Variants in NKAIN3 observed in about 807,000 individuals in gnomAD.
The protein encoded by NKAIN3 is sodium/potassium-transporting ATPase subunit beta-1-interacting protein 3.
In NKAIN3, 25 loss-of-function variants were observed where a neutral mutation model predicts 30.2. That is an observed-to-expected ratio of 0.83 (90% CI 0.60 to 1.16). NKAIN3 has a LOEUF of 1.16. NKAIN3 is among the 50% of genes most tolerant of loss of function. NKAIN3 has a pLI of 0.00. For missense variants in NKAIN3, 225 were observed against 254.1 expected (o/e 0.89, Z 0.78); for synonymous variants, 91 against 89.6 (o/e 1.02, Z -0.09).
chr8:62,367,719 A>G (rs1050253497), intron 1 of NKAIN3, among the ~76,000 whole-genome samples: 7 of 152,172 alleles, frequency 4.6e-5, no homozygotes, highest in South Asian at 2.1e-4. Context: ...ATTCAGCATA[A>G]TAACTGGAAG....
chr8:62,334,835 A>G lies in NKAIN3; in HGVS notation c.54+85708A>G, dbSNP rs148455300. Among the ~76,000 whole-genome samples, 1,097 of 152,108 alleles carry G rather than the reference A, an allele frequency of 7.2e-3. 24 individuals are homozygous for G. The highest frequency in any genetic ancestry group is 0.025 in the African/African-American group (1,056 of 41,530). ...GTTCATAGCTAGAAGGCTGGGCTTG[A>G]CTTAATCTCTCTCATTCTCCCTGTG... On this transcript the variant is annotated intron_variant, in intron 1 of 6. Transcript: ENST00000623646.
At chr8:62,605,474 T>C (rs1463599652) in intron 3 of NKAIN3, among the ~76,000 whole-genome samples, 1 of 151,876 alleles carries the variant, frequency 6.6e-6, no homozygotes, top group Non-Finnish European at 1.5e-5. Flanking sequence ...TTCAAAGCAC[T>C]ATACCAGGAA....
intron 1 of NKAIN3, among the ~76,000 whole-genome samples, chr8:62,400,642 C>G (rs1317790696): frequency 2.0e-5 from 3 of 151,822 alleles, no homozygotes; most frequent in Non-Finnish European, 4.4e-5. Flanking sequence ...GTCTTCATCT[C>G]TCCTTCATCT....
intron 1 of NKAIN3, among the ~76,000 whole-genome samples, chr8:62,323,226 C>T (rs73683097): frequency 0.035 from 5,338 of 152,256 alleles, 339 homozygotes; most frequent in African/African-American, 0.12. Flanking sequence ...ATAACCTACA[C>T]CCAAATGTCT....
intron 4 of NKAIN3, among the ~76,000 whole-genome samples, chr8:62,816,088 C>A (rs781760256): frequency 4.6e-5 from 7 of 152,028 alleles, no homozygotes; most frequent in Admixed American, 6.6e-5. Context: ...TGTCATGTTT[C>A]CTTGCTTTTT....
Position 62,970,006 on chromosome 8 carries a change from G to C in NKAIN3, c.*4599G>C, listed in dbSNP as rs1185280563. Among the ~76,000 whole-genome samples, 1 of 152,002 alleles carries C rather than the reference G, an allele frequency of 6.6e-6. No homozygotes were observed. The highest frequency in any genetic ancestry group is 1.5e-5 in the Non-Finnish European group (1 of 68,010). ...GGCCAGGAGTTCAAGACCAGCTTGG[G>C]CAAAATAGTGAGACCGTATCTCTAC... On this transcript the variant is annotated 3_prime_UTR_variant, in exon 7 of 7. Transcript: ENST00000623646.
Position 62,680,218 on chromosome 8 carries a change from T to C in NKAIN3, c.274-66714T>C, listed in dbSNP as rs149293611. Among the ~76,000 whole-genome samples the C allele has an allele frequency of 1.8e-4, 28 of 152,278 alleles. No individual in the cohort carries two copies. The East Asian group carries it at 5.4e-3, about 29-fold the overall frequency. On this transcript the variant is annotated intron_variant, in intron 3 of 6. Coordinates refer to ENST00000623646, the MANE Select transcript of NKAIN3 (RefSeq NM_001304533.3). Reference sequence around the variant, plus strand: ...CCTACAAGCACTTGGAACTGAATTGTAGCACTAAACGAAATGAGCCTGGAG... The same window carrying C: ...CCTACAAGCACTTGGAACTGAATTGCAGCACTAAACGAAATGAGCCTGGAG...
At chr8:62,840,516 C>T (rs1023338338) in intron 4 of NKAIN3, among the ~76,000 whole-genome samples, 2 of 151,466 alleles carry the variant, frequency 1.3e-5, no homozygotes, top group Non-Finnish European at 2.9e-5. Context: ...TGTGCTAAAA[C>T]TTCTTTTTAT....
chr8:62,623,094 T>C (rs1811670272), intron 3 of NKAIN3, among the ~76,000 whole-genome samples: 1 of 151,988 alleles, frequency 6.6e-6, no homozygotes, highest in African/African-American at 2.4e-5. Context: ...ATTGAATATA[T>C]TGAGTGAAAA....
At chr8:62,917,712 A>G (rs1380584494) in intron 4 of NKAIN3, among the ~76,000 whole-genome samples, 3 of 152,218 alleles carry the variant, frequency 2.0e-5, no homozygotes, top group Non-Finnish European at 4.4e-5. Context: ...TACCTATTGA[A>G]GTGCTTATAG....
chr8:62,697,265 C>T (rs1300942391), intron 3 of NKAIN3, among the ~76,000 whole-genome samples: 1 of 152,172 alleles, frequency 6.6e-6, no homozygotes, highest in African/African-American at 2.4e-5. Context: ...CTAGCCTCAT[C>T]CTCTGCCCTA....
chr8:62,920,060 CAGA>C (rs1245946588), intron 5 of NKAIN3, among the ~76,000 whole-genome samples: 2 of 152,068 alleles, frequency 1.3e-5, no homozygotes, highest in Non-Finnish European at 2.9e-5. Flanking sequence ...AGTTAATATA[CAGA>C]AGGTTAGCAG....
chr8:62,356,377 A>G (rs1485974564), intron 1 of NKAIN3, among the ~76,000 whole-genome samples: 1 of 152,152 alleles, frequency 6.6e-6, no homozygotes, highest in African/African-American at 2.4e-5. Context: ...TAGATAAAAT[A>G]ATGAATATGA....
At chr8:62,856,988 G>C (rs1398770658) in intron 4 of NKAIN3, 1 of 527,550 alleles carries the variant, frequency 1.9e-6, no homozygotes. Flanking sequence ...ATCTCTTCCT[G>C]AATACTTATA....
At chr8:62,855,441 T>G in intron 4 of NKAIN3, 1 of 1,159,988 alleles carries the variant, frequency 8.6e-7, no homozygotes, top group South Asian at 1.2e-5. Context: ...TCTGAATACT[T>G]CATCTTGGGT....
chr8:62,742,280 A>G (rs1159450217), intron 3 of NKAIN3, among the ~76,000 whole-genome samples: 7 of 152,166 alleles, frequency 4.6e-5, no homozygotes, highest in Non-Finnish European at 8.8e-5. Flanking sequence ...GACAGATAAA[A>G]ACTAGTTAGT....
chr8:62,767,047 TG>T (rs1418516396), intron 4 of NKAIN3, among the ~76,000 whole-genome samples: 9 of 152,160 alleles, frequency 5.9e-5, no homozygotes, highest in African/African-American at 2.2e-4. Flanking sequence ...CTATTGTCTT[TG>T]CCTGCCAGTT....
At chr8:62,935,694 A>T (rs938270665) in intron 5 of NKAIN3, among the ~76,000 whole-genome samples, 1 of 152,186 alleles carries the variant, frequency 6.6e-6, no homozygotes, top group African/African-American at 2.4e-5. Context: ...AAACTAGAAT[A>T]TTCATATTTA....
intron 4 of NKAIN3, among the ~76,000 whole-genome samples, chr8:62,811,462 G>A (rs752659847): frequency 2.0e-5 from 3 of 152,024 alleles, no homozygotes; most frequent in Non-Finnish European, 4.4e-5. Flanking sequence ...TTCCAGAGTA[G>A]TTGCACCATT....
Sources: allele counts gnomAD v4.1 joint callset (sites outside exome capture counted in the v4.1 genomes callset), GRCh38; gene constraint gnomAD v4.1.1; transcripts MANE v1.5; gene names NCBI Gene and HGNC (gene_info 2026-07-23, HGNC 2026-07-21).